The following ANPEP variants were observed in gnomAD, a reference collection of about 807,000 sequenced individuals.
ANPEP encodes alanyl aminopeptidase, membrane.
In ANPEP, 70 loss-of-function variants were observed where a neutral mutation model predicts 114.6. The observed-to-expected ratio is 0.61, with a 90% confidence interval of 0.50 to 0.75. The LOEUF (loss-of-function observed/expected upper bound fraction) is 0.75. ANPEP is among the 30% of genes least tolerant of loss of function. The probability of loss-of-function intolerance (pLI) is 0.00; values close to 1 mark genes in which losing one functional copy is unlikely to be tolerated. For synonymous variants in ANPEP, 548 were observed against 522.3 expected, an observed-to-expected ratio of 1.05 and a Z score of -0.67; for missense variants, 1,184 against 1,259.5, an observed-to-expected ratio of 0.94 and a Z score of 0.91.
At chr15:89,787,603 A>G (rs1218576788) in intron 20 of ANPEP, among the ~76,000 whole-genome samples, 3 of 152,232 alleles carry the variant, frequency 2.0e-5, no homozygotes, top group Admixed American at 1.3e-4. Flanking sequence ...TGCAAACCCT[A>G]TCTCTGATTA....
intron 15 of ANPEP, among the ~76,000 whole-genome samples, chr15:89,795,773 CT>C (rs774576397): frequency 3.9e-5 from 6 of 152,160 alleles, no homozygotes; most frequent in Non-Finnish European, 8.8e-5. Flanking sequence ...TCAAAAACTC[CT>C]GGAAGATGTA....
Position 89,793,032 on chromosome 15 carries a change from C to A in ANPEP, c.2249+3G>T. ...TTCCAAACCCATGAGAGCTCCCACT[C>A]ACTGGTCCATCAGGTTTTCTGGGAT... On this transcript the variant is annotated splice_donor_region_variant and intron_variant, in intron 16 of 20. Transcript: ENST00000300060. 6.2e-7 allele frequency: 1 copy of A among 1,613,232 alleles called. No homozygotes were observed. Among genetic ancestry groups the A allele is most frequent in the East Asian group, 2.2e-5 (1 of 44,874 alleles).
chr15:89,792,999 C>T (rs1161728957), intron 16 of ANPEP, 36 bp downstream of exon 16: 6 of 1,573,806 alleles, frequency 3.8e-6, no homozygotes, highest in Non-Finnish European at 5.2e-6. Flanking sequence ...CCCCGGGGTG[C>T]CCAGGACTTC....
rs1596172326 is a variant in ANPEP at position 89,809,797 on chromosome 15, T to C, written c.-223-2991A>G. Among the ~76,000 whole-genome samples, 3 of 152,242 alleles carry C rather than the reference T, an allele frequency of 2.0e-5. No homozygotes were observed. The East Asian group carries it at 5.8e-4, about 29-fold the overall frequency. On this transcript the variant is annotated intron_variant, in intron 1 of 20. Transcript: ENST00000300060. ...GCAGAGTGAAACCTTAACTCTGGCT[T>C]GGGCCTTAATACCTTCTGTGAACTT...
intron 15 of ANPEP, among the ~76,000 whole-genome samples, chr15:89,794,654 A>AC (rs11396899): frequency 0.56 from 84,705 of 150,802 alleles, 25,913 homozygotes; most frequent in African/African-American, 0.82. Context: ...ACCCCTCACC[A>AC]CCCCATGAGA....
At position 89,805,120 on chromosome 15, in the gene ANPEP, A is replaced by G. The variant is rs759357108; in HGVS notation, c.855T>C (p.Ser285=). The part of the protein sequence containing the change: ...MSTYLLAFIV[S]EFDYVEKQAS... ...CCTGCTTCTCCACGTAGTCGAACTC[A>G]CTGACAATGAAGGCCAGCAAGTACG... Residue 285 remains serine (S), a synonymous_variant, in exon 4 of 21, where the codon AGT becomes AGC. Transcript: ENST00000300060. The G allele has an allele frequency of 6.2e-7, 1 of 1,614,232 alleles. No homozygotes were observed. The highest frequency in any genetic ancestry group is 1.1e-5 in the South Asian group (1 of 91,090).
In ANPEP at chr15:89,804,394, C is replaced by A; in HGVS notation, c.1038G>T (p.Leu346=). The A allele has an allele frequency of 6.2e-7, 1 of 1,614,210 alleles. No individual in the cohort carries two copies. Among genetic ancestry groups the A allele is most frequent in the East Asian group, 2.2e-5 (1 of 44,886 alleles). The change falls in exon 6 of 21, where the codon CTG becomes CTT. Residue 346 remains leucine (L), a synonymous_variant. Coordinates refer to ENST00000300060, the MANE Select transcript of ANPEP (RefSeq NM_001150.3). ...CCATGGCGCCGGCGTTGAAGTCTGG[C>A]AGGCCAATCTGGTCTGGGGAGGCGA... The part of the protein sequence containing the change: ...YPLPKSDQIG[L]PDFNAGAMEN...
Position 89,796,746 on chromosome 15 carries a change from C to T in ANPEP, c.2157+829G>A, listed in dbSNP as rs563229390. Reference sequence around the variant, plus strand: ...TGCTGACCTCGTGATCCGCCTGCCTCGGCCTCCCAAAGTGCTGGGATTACA... The same window carrying T: ...TGCTGACCTCGTGATCCGCCTGCCTTGGCCTCCCAAAGTGCTGGGATTACA... On this transcript the variant is annotated intron_variant, in intron 15 of 20. Coordinates refer to ENST00000300060, the MANE Select transcript of ANPEP (RefSeq NM_001150.3). Among the ~76,000 whole-genome samples, 14 of 152,092 alleles carry T rather than the reference C, an allele frequency of 9.2e-5. No homozygotes were observed. The East Asian group carries it at 1.4e-3, about 15-fold the overall frequency.
rs551150804 is a variant in ANPEP at position 89,799,385 on chromosome 15, T to C, written c.1953+41A>G. 4.3e-6 allele frequency: 7 copies of C among 1,613,990 alleles called. No individual in the cohort carries two copies. In the Admixed American group the frequency reaches 1.2e-4, roughly 27 times the overall value. On this transcript the variant is annotated intron_variant, in intron 13 of 20. Transcript: ENST00000300060. This position sits in a 1 kb window ranked among gnomAD's most constrained non-coding sequence, Gnocchi z 4.2. The stretch of plus-strand genomic sequence containing the variant: ...GGCAGGCCTTGCAGTCTGGTGCCTG[T>C]CCTGGGGCAGGGGGCAGGGCGAGGG...
intron 10 of ANPEP, among the ~76,000 whole-genome samples, chr15:89,802,181 C>G (rs540879387): frequency 6.0e-4 from 91 of 152,224 alleles, no homozygotes; most frequent in Admixed American, 2.4e-3. Context: ...CGGGGCCACA[C>G]AGAGGGCAGA....
intron 10 of ANPEP, chr15:89,802,880 G>C: frequency 3.4e-6 from 1 of 294,148 alleles, no homozygotes. Context: ...GGGGGGCACA[G>C]GGCAGCCAGG....
Position 89,785,410 on chromosome 15 carries a change from A to C in ANPEP, c.2843T>G (p.Ile948Ser). 1 of 1,614,122 alleles carries C rather than the reference A, an allele frequency of 6.2e-7. No individual in the cohort carries two copies. The highest frequency in any genetic ancestry group is 8.5e-7 in the Non-Finnish European group (1 of 1,180,008). ...CTCCTTGTTCTCCTTCACCCACTTG[A>C]TGTTGGCTTTCGTCTTCTCCAGGGC... is the stretch of plus-strand genomic sequence containing the variant. ...EQALEKTKAN[I>S]KWVKENKEVV... is the part of the protein sequence containing the mutation. The change falls in exon 21 of 21, where the codon ATC (isoleucine) becomes AGC (serine). Residue 948 changes from isoleucine (I) to serine (S), a missense_variant. Physicochemically the swap from Ile to Ser is moderately radical, Grantham distance 142 (BLOSUM62 -2). Transcript: ENST00000300060.
chr15:89,805,869 G>T (rs1003848291), intron 2 of ANPEP, 101 bp downstream of exon 2: 2 of 1,462,472 alleles, frequency 1.4e-6, no homozygotes, highest in Non-Finnish European at 1.8e-6. Context: ...GGCTCCACAG[G>T]GTTCAAAGGC....
chr15:89,807,205 T>C (rs1894733081), intron 1 of ANPEP, among the ~76,000 whole-genome samples: 1 of 152,238 alleles, frequency 6.6e-6, no homozygotes, highest in Admixed American at 6.5e-5. Flanking sequence ...TTTTCCTCCA[T>C]TATCAGCTCA....
At chr15:89,808,149 C>T (rs1894755280) in intron 1 of ANPEP, among the ~76,000 whole-genome samples, 1 of 152,188 alleles carries the variant, frequency 6.6e-6, no homozygotes, top group Admixed American at 6.5e-5. Flanking sequence ...TGGCCTCTTC[C>T]CCCCTGTTGC....
intron 12 of ANPEP, 144 bp downstream of exon 12, chr15:89,800,967 C>T (rs1435498745): frequency 2.9e-5 from 20 of 691,698 alleles, no homozygotes; most frequent in Non-Finnish European, 3.9e-5. Flanking sequence ...AGTCACACAG[C>T]GAAGCAGCAG....
rs140909814 is a variant in ANPEP, at chr15:89,801,117, C to T, written c.1813G>A (p.Val605Ile). The change falls in exon 12 of 21, where the codon GTA becomes ATA. Residue 605 changes from valine to isoleucine, a missense_variant. Coordinates refer to ENST00000300060, the MANE Select transcript of ANPEP (RefSeq NM_001150.3). ...RQQQDYWLID[V>I]RAQNDLFSTS... is the part of the protein sequence containing the mutation. Reference sequence around the variant, plus strand: ...TAAGGCAGGGCTGGATTACCTCTTACATCTATCAGCCAGTAGTCCTGCTGC... The same window carrying T: ...TAAGGCAGGGCTGGATTACCTCTTATATCTATCAGCCAGTAGTCCTGCTGC... 2,853 of 1,614,094 alleles carry T rather than the reference C, an allele frequency of 1.8e-3. 15 individuals are homozygous for T. The highest frequency in any genetic ancestry group is 7.8e-3 in the Middle Eastern group (47 of 6,058).
intron 1 of ANPEP, among the ~76,000 whole-genome samples, chr15:89,813,695 C>G (rs1894854699): frequency 6.6e-6 from 1 of 152,148 alleles, no homozygotes; most frequent in Admixed American, 6.5e-5. Context: ...TCCTCCTGGT[C>G]ACCCCTACCC....
At chr15:89,807,439 G>A (rs577828473) in intron 1 of ANPEP, among the ~76,000 whole-genome samples, 114 of 152,320 alleles carry the variant, frequency 7.5e-4, no homozygotes, top group Non-Finnish European at 1.4e-3. Flanking sequence ...GGTGGCTCAC[G>A]CCTGTAATCC....
Sources: gnomAD v4.1 joint callset for allele counts (sites outside exome capture counted in the v4.1 genomes callset) on GRCh38, gnomAD v4.1.1 for gene constraint, Gnocchi (gnomAD v3.1) non-coding constraint, MANE v1.5 for transcripts, NCBI Gene and HGNC (gene_info 2026-07-23, HGNC 2026-07-21) for gene names.